BOC: variants seen among roughly 807,000 people sequenced by gnomAD.
BOC encodes brother of CDO.
A neutral mutation model predicts 112.0 loss-of-function variants in BOC; 76 were observed. The observed-to-expected ratio is 0.68, with a 90% CI of 0.56 to 0.82. The LOEUF (loss-of-function observed/expected upper bound fraction) is 0.82, where lower values mean the gene tolerates loss of function less well. BOC is among the 40% of genes least tolerant of loss of function. The probability of loss-of-function intolerance (pLI) is 0.00; values close to 1 mark genes in which losing one functional copy is unlikely to be tolerated. For missense variants in BOC, 1,309 were observed against 1,511.7 expected, an observed-to-expected ratio of 0.87 and a Z score of 2.22; for synonymous variants, 580 against 599.8, an observed-to-expected ratio of 0.97 and a Z score of 0.48.
At chr3:113,282,604 G>T (rs1366023362) in intron 15 of BOC, among the ~76,000 whole-genome samples, 4 of 152,180 alleles carry the variant, frequency 2.6e-5, no homozygotes, top group Non-Finnish European at 4.4e-5. Flanking sequence ...CCTGCCCCGT[G>T]CAGGGGGTCC....
chr3:113,240,983 G>C (rs1000448405), intron 2 of BOC, among the ~76,000 whole-genome samples: 6 of 152,220 alleles, frequency 3.9e-5, no homozygotes, highest in Non-Finnish European at 7.3e-5. Flanking sequence ...TTCTCAGCCA[G>C]AGCCAGATGA....
rs562165716 is a variant in BOC, at chr3:113,274,113, G to A, written c.1235-262G>A. Among the ~76,000 whole-genome samples the A allele has an allele frequency of 6.6e-6, 1 of 152,176 alleles. No individual in the cohort carries two copies. Among genetic ancestry groups the A allele is most frequent in the East Asian group, 1.9e-4 (1 of 5,182 alleles). On this transcript the variant is annotated intron_variant, in intron 8 of 19. Coordinates refer to ENST00000682979, the MANE Select transcript of BOC (RefSeq NM_001378074.1). This position sits in a 1 kb window ranked among gnomAD's most constrained non-coding sequence, Gnocchi z 4.8. ...GTTCACTGGAGATGCACCTCACGTG[G>A]ATTCAGGAGTTTGCTTGCCATACCC...
chr3:113,246,237 C>G (rs1944907129), intron 2 of BOC, among the ~76,000 whole-genome samples: 1 of 152,142 alleles, frequency 6.6e-6, no homozygotes, highest in Non-Finnish European at 1.5e-5. Context: ...TTTAAACTGT[C>G]AAGTACCTAG....
At chr3:113,239,853 G>A (rs546214458) in intron 2 of BOC, among the ~76,000 whole-genome samples, 9 of 152,188 alleles carry the variant, frequency 5.9e-5, no homozygotes, top group Admixed American at 3.9e-4. Flanking sequence ...AAATATGCTG[G>A]GTCACAGTAA....
At chr3:113,286,145 C>A (rs1408719218) in intron 19 of BOC, among the ~76,000 whole-genome samples, 1 of 152,124 alleles carries the variant, frequency 6.6e-6, no homozygotes, top group Non-Finnish European at 1.5e-5. Flanking sequence ...TTGGTGAGGG[C>A]ACCAAGTATC....
chr3:113,250,764 C>T lies in BOC; in HGVS notation c.307C>T (p.Arg103Trp), dbSNP rs934615287. 9.9e-6 allele frequency: 16 copies of T among 1,614,040 alleles called. No homozygotes were observed. The highest frequency in any genetic ancestry group is 2.2e-5 in the South Asian group (2 of 91,082). Residue 103 changes from arginine to tryptophan, a missense_variant, in exon 4 of 20, where the codon CGG (arginine) becomes TGG (tryptophan). Transcript: ENST00000682979. ...TGCCCTTAACAACCACACTGTGGGA[C>T]GGTACCAGTGTGTGGCCCGGATGCC... ...ITALNNHTVG[R>W]YQCVARMPAG...
Position 113,279,883 on chromosome 3 carries a change from GCC to G in BOC, c.2087_2088del (p.Pro696LeufsTer31). On this transcript the variant is annotated frameshift_variant, in exon 13 of 20. Transcript: ENST00000682979. LOFTEE classifies it high-confidence loss of function. ...CATGCTGGGGGAGAGCGAGCCCAGC[GCC>G]CCCTCTCGGCCCTACGTGGTGTCGG... is the stretch of plus-strand genomic sequence containing the variant. ...LNMLGESEPSAPSRPYVVSGY... is the reference protein window; with the variant it reads ...LNMLGESEPSXPSRPYVVSGY... 1 of 1,613,564 alleles carries G rather than the reference GCC, an allele frequency of 6.2e-7. No homozygotes were observed. The highest frequency in any genetic ancestry group is 8.5e-7 in the Non-Finnish European group (1 of 1,179,758).
chr3:113,253,913 TAGAGACTCA>T (rs1242258193), intron 4 of BOC, among the ~76,000 whole-genome samples: 1 of 152,194 alleles, frequency 6.6e-6, no homozygotes, highest in Non-Finnish European at 1.5e-5. Flanking sequence ...CACAAGTCTG[TAGAGACTCA>T]AGACCATAAC....
chr3:113,276,549 A>G (rs1948693384), intron 9 of BOC, among the ~76,000 whole-genome samples: 1 of 152,236 alleles, frequency 6.6e-6, no homozygotes, highest in South Asian at 2.1e-4. Flanking sequence ...GGAACTAACA[A>G]GTCTTAAAGA....
chr3:113,237,771 A>G (rs894742598), intron 2 of BOC, among the ~76,000 whole-genome samples: 2 of 152,228 alleles, frequency 1.3e-5, no homozygotes, highest in Non-Finnish European at 2.9e-5. Flanking sequence ...TGGTTCCACC[A>G]TTAATAACAG....
At position 113,279,971 on chromosome 3, in the gene BOC, C is replaced by T. The variant is rs929050045; in HGVS notation, c.2171C>T (p.Ala724Val). The change falls in exon 13 of 20, where the codon GCG becomes GTG. Residue 724 changes from alanine (A) to valine (V), a missense_variant. Transcript: ENST00000682979. Reference sequence around the variant, plus strand: ...GGTCCTTATATCACCTTCACGGATGCGGTCAATGAGACCACCATCATGCTC... The same window carrying T: ...GGTCCTTATATCACCTTCACGGATGTGGTCAATGAGACCACCATCATGCTC... ...VAGPYITFTDAVNETTIMLKW... is the reference protein window; with the variant it reads ...VAGPYITFTDVVNETTIMLKW... 4 of 1,612,062 alleles carry T rather than the reference C, an allele frequency of 2.5e-6. No individual in the cohort carries two copies. Among genetic ancestry groups the T allele is most frequent in the Admixed American group, 3.3e-5 (2 of 59,784 alleles).
At chr3:113,284,299 T>C (rs1949470453) in intron 16 of BOC, 36 bp from the exon 17 acceptor site, 3 of 1,579,694 alleles carry the variant, frequency 1.9e-6, no homozygotes, top group Non-Finnish European at 1.7e-6. Context: ...CGGGCTACCT[T>C]GGCCTAAGCA....
At chr3:113,220,851 C>A (rs188947161) in intron 2 of BOC, among the ~76,000 whole-genome samples, 1 of 152,122 alleles carries the variant, frequency 6.6e-6, no homozygotes, top group East Asian at 1.9e-4. Context: ...GGTTAACATT[C>A]TTTTTTGAGA....
Position 113,273,431 on chromosome 3 carries a change from A to G in BOC, c.1234+90A>G. ...ATCTAACTTGGAACCCCAGTATATA[A>G]GATAGAAAAAAGTAGCTTTTAGTTG... On this transcript the variant is annotated intron_variant, in intron 8 of 19. Coordinates refer to ENST00000682979, the MANE Select transcript of BOC (RefSeq NM_001378074.1). 3 of 1,379,636 alleles carry G rather than the reference A, an allele frequency of 2.2e-6. No homozygotes were observed. The South Asian group carries it at 5.3e-5, about 24-fold the overall frequency. 85.5% of individuals were successfully genotyped at this position (1,379,636 alleles called of 1,614,324 possible). A position where few individuals can be genotyped will look rare whatever the true frequency, so the allele number is the denominator to read the frequency against.
At chr3:113,275,822 T>C (rs1258328770) in intron 9 of BOC, among the ~76,000 whole-genome samples, 3 of 152,184 alleles carry the variant, frequency 2.0e-5, no homozygotes, top group Non-Finnish European at 4.4e-5. Flanking sequence ...CCTTCTATTC[T>C]GTTTTTTTCC....
chr3:113,275,390 A>G (rs2107682267), intron 9 of BOC, among the ~76,000 whole-genome samples: 1 of 152,284 alleles, frequency 6.6e-6, no homozygotes, highest in Non-Finnish European at 1.5e-5. Flanking sequence ...GCTCCTGGAC[A>G]CTGTGTCCTG....
chr3:113,249,346 A>G (rs1945327594), intron 2 of BOC, among the ~76,000 whole-genome samples: 1 of 152,172 alleles, frequency 6.6e-6, no homozygotes, highest in African/African-American at 2.4e-5. Flanking sequence ...TGGTAAGAAT[A>G]ATCTCATCTG....
chr3:113,269,551 A>G (rs1314179350), intron 5 of BOC: 6 of 151,994 alleles, frequency 3.9e-5, no homozygotes, highest in African/African-American at 1.4e-4. Context: ...ATATATATAT[A>G]CCTTTAAAAA....
At chr3:113,268,609 C>T (rs1947778254) in intron 5 of BOC, among the ~76,000 whole-genome samples, 164 bp downstream of exon 5, 1 of 152,162 alleles carries the variant, frequency 6.6e-6, no homozygotes, top group Admixed American at 6.5e-5. Context: ...TCCTCCTCCC[C>T]TTTTTTTCCT....
Sources: allele counts gnomAD v4.1 joint callset (sites outside exome capture counted in the v4.1 genomes callset), GRCh38; gene constraint gnomAD v4.1.1; non-coding constraint Gnocchi (gnomAD v3.1); transcripts MANE v1.5; gene names NCBI Gene and HGNC (gene_info 2026-07-23, HGNC 2026-07-21).